Variants in EPSTI1 observed in about 807,000 individuals in gnomAD.
The protein encoded by EPSTI1 is epithelial-stromal interaction protein 1.
Under a neutral mutation model 49.9 loss-of-function variants are expected in EPSTI1, and 66 were observed. The ratio of observed to expected loss-of-function variants is 1.32; its 90% confidence interval spans 1.08 to 1.62. The LOEUF (loss-of-function observed/expected upper bound fraction) is 1.62, where lower values mean the gene tolerates loss of function less well. EPSTI1 is among the 40% of genes most tolerant of loss of function. The probability of loss-of-function intolerance (pLI) is 0.00; values close to 1 mark genes in which losing one functional copy is unlikely to be tolerated. For synonymous variants in EPSTI1, 137 were observed against 130.7 expected (o/e 1.05, Z -0.33); for missense variants, 394 against 365.5 (o/e 1.08, Z -0.64).
chr13:42,888,031 A>G lies in EPSTI1; in HGVS notation c.*463T>C, dbSNP rs1445149592. On this transcript the variant is annotated 3_prime_UTR_variant, in exon 11 of 11. Coordinates refer to ENST00000313624, the MANE Select transcript of EPSTI1 (RefSeq NM_033255.5). The stretch of plus-strand genomic sequence containing the variant: ...TATTTATAAATTTGTGTAAAAGAAT[A>G]TAAGACCTTTTTCTTTTGTACATAT... 2 of 396,564 alleles carry G rather than the reference A, an allele frequency of 5.0e-6. No individual in the cohort carries two copies. The highest frequency in any genetic ancestry group is 7.9e-5 in the South Asian group (1 of 12,708). 24.6% of individuals were successfully genotyped at this position (396,564 alleles called of 1,614,324 possible).
At chr13:42,948,422 G>GTTTTTTTTTTTTTTTTTT (rs1337614110) in intron 6 of EPSTI1, among the ~76,000 whole-genome samples, 1 of 113,946 alleles carries the variant, frequency 8.8e-6, no homozygotes, top group East Asian at 2.8e-4. Flanking sequence ...AGAGTGGCTT[G>GTTTTTTTTTTTTTTTTTT]TTGTTTTTTT....
rs1337794422 is a variant in EPSTI1, at chr13:42,886,886, T to A, written c.*1608A>T. ...AATTGACACCAACTTCCCTGAGAGC[T>A]TCCAAAGTAAGAAAGCATCCCTTTT... On this transcript the variant is annotated 3_prime_UTR_variant, in exon 11 of 11. Transcript: ENST00000313624. The A allele has an allele frequency of 1.3e-5, 2 of 152,128 alleles. No homozygotes were observed. The highest frequency in any genetic ancestry group is 2.9e-5 in the Non-Finnish European group (2 of 68,034). The allele number at this position is 152,128 out of a possible 1,614,324, so 9.4% of individuals were successfully genotyped here. A position where few individuals can be genotyped will look rare whatever the true frequency, so the allele number is the denominator to read the frequency against.
At chr13:42,938,013 A>C (rs1429650223) in intron 6 of EPSTI1, among the ~76,000 whole-genome samples, 1 of 152,176 alleles carries the variant, frequency 6.6e-6, no homozygotes, top group East Asian at 1.9e-4. Flanking sequence ...TGCGTTAGCA[A>C]GCATGAAAAC....
chr13:42,977,375 A>G (rs1351714931), intron 1 of EPSTI1, among the ~76,000 whole-genome samples: 1 of 152,236 alleles, frequency 6.6e-6, no homozygotes, highest in Non-Finnish European at 1.5e-5. Context: ...CAATTAAAAG[A>G]CTACAGCCAC....
At chr13:42,978,745 C>T (rs1395876935) in intron 1 of EPSTI1, among the ~76,000 whole-genome samples, 1 of 152,150 alleles carries the variant, frequency 6.6e-6, no homozygotes, top group East Asian at 1.9e-4. Flanking sequence ...ACTAAGGGGA[C>T]ATCTATTGCA....
chr13:42,937,148 TG>T (rs2038592163), intron 6 of EPSTI1, among the ~76,000 whole-genome samples: 1 of 152,244 alleles, frequency 6.6e-6, no homozygotes, highest in South Asian at 2.1e-4. Flanking sequence ...TACACTAGAT[TG>T]TAGTCTCTTA....
chr13:42,936,352 A>G (rs1239387239), intron 6 of EPSTI1, among the ~76,000 whole-genome samples: 2 of 152,134 alleles, frequency 1.3e-5, no homozygotes, highest in African/African-American at 4.8e-5. Flanking sequence ...ATCTATTCCC[A>G]TATCTCCATT....
At chr13:42,926,507 C>T in intron 6 of EPSTI1, 78 bp from the exon 7 acceptor site, 2 of 828,684 alleles carry the variant, frequency 2.4e-6, no homozygotes, top group Non-Finnish European at 4.3e-6. Flanking sequence ...TGGATACTAA[C>T]CTAGACTTAT....
chr13:42,923,132 G>C (rs80302331), intron 7 of EPSTI1, among the ~76,000 whole-genome samples: 27 of 152,230 alleles, frequency 1.8e-4, no homozygotes, highest in Admixed American at 1.8e-3. Flanking sequence ...CGGAGGGACA[G>C]AGAGAGGAAA....
Position 42,901,898 on chromosome 13 carries a change from C to T in EPSTI1, c.742-1515G>A, listed in dbSNP as rs200245703. 3.8e-3 allele frequency among the ~76,000 whole-genome samples: 577 copies of T among 151,944 alleles called. 2 individuals are homozygous for T. The highest frequency in any genetic ancestry group is 0.013 in the African/African-American group (528 of 41,410). On this transcript the variant is annotated intron_variant, in intron 8 of 10. Coordinates refer to ENST00000313624, the MANE Select transcript of EPSTI1 (RefSeq NM_033255.5). ...GTCATCTAGCATTAGGTATATCTCC[C>T]AATGCTATCCCTCCCCCCTTCCCCC... is the stretch of plus-strand genomic sequence containing the variant.
intron 10 of EPSTI1, among the ~76,000 whole-genome samples, chr13:42,893,884 A>G (rs187856193): frequency 3.3e-5 from 5 of 152,222 alleles, no homozygotes; most frequent in Admixed American, 6.5e-5. Flanking sequence ...TCCTACTCAC[A>G]TACTGTTACA....
At chr13:42,897,233 T>G (rs1295957959) in intron 9 of EPSTI1, among the ~76,000 whole-genome samples, 1 of 152,192 alleles carries the variant, frequency 6.6e-6, no homozygotes, top group Non-Finnish European at 1.5e-5. Context: ...AGTCTCTATG[T>G]GGCTGGTTCT....
intron 5 of EPSTI1, 44 bp downstream of exon 5, chr13:42,963,211 T>C (rs938885868): frequency 6.7e-7 from 1 of 1,490,030 alleles, no homozygotes; most frequent in Non-Finnish European, 9.3e-7. Flanking sequence ...AACGAAACTA[T>C]AATTGTTGAT....
At chr13:42,935,207 C>T (rs1230354558) in intron 6 of EPSTI1, among the ~76,000 whole-genome samples, 2 of 152,162 alleles carry the variant, frequency 1.3e-5, no homozygotes, top group Non-Finnish European at 2.9e-5. Context: ...AACAACATTC[C>T]AGTCTCTCTG....
intron 2 of EPSTI1, 200 bp downstream of exon 2, chr13:42,970,412 T>C (rs887681765): frequency 1.5e-5 from 7 of 463,070 alleles, no homozygotes; most frequent in African/African-American, 1.4e-4. Context: ...ATGAGTTCTG[T>C]TACTAACGTA....
intron 8 of EPSTI1, among the ~76,000 whole-genome samples, chr13:42,917,234 G>A (rs1029915257): frequency 1.3e-5 from 2 of 149,496 alleles, no homozygotes. Context: ...TAGCAGTGAT[G>A]GTGGTGGTGT....
intron 7 of EPSTI1, among the ~76,000 whole-genome samples, chr13:42,924,469 G>A (rs1370073863): frequency 6.6e-6 from 1 of 152,178 alleles, no homozygotes; most frequent in Admixed American, 6.5e-5. Flanking sequence ...AGCAGCACAC[G>A]CAGTTCTGCC....
chr13:42,930,695 C>T (rs1862598714), intron 6 of EPSTI1, among the ~76,000 whole-genome samples: 1 of 151,922 alleles, frequency 6.6e-6, no homozygotes, highest in Admixed American at 6.5e-5. Context: ...TACATAAATA[C>T]GAGTCAGAAA....
rs1366598343 is a variant in EPSTI1 at position 42,954,057 on chromosome 13, G to T, written c.490-36C>A. ...AAATATCAAAACATAACTTATTAAAGATGCTTTAAGCAGAGTCATGATGTT... is the reference window on the plus strand; with the variant it reads ...AAATATCAAAACATAACTTATTAAATATGCTTTAAGCAGAGTCATGATGTT... On this transcript the variant is annotated intron_variant, in intron 5 of 10. Transcript: ENST00000313624. 20 of 1,563,452 alleles carry T rather than the reference G, an allele frequency of 1.3e-5. No homozygotes were observed. The Admixed American group carries it at 3.3e-4, about 26-fold the overall frequency.
Sources: allele counts gnomAD v4.1 joint callset (sites outside exome capture counted in the v4.1 genomes callset), GRCh38; gene constraint gnomAD v4.1.1; transcripts MANE v1.5; gene names NCBI Gene and HGNC (gene_info 2026-07-23, HGNC 2026-07-21).